SPAG16: variants seen among roughly 807,000 people sequenced by gnomAD.
SPAG16 encodes sperm associated antigen 16.
SPAG16 carries 86 observed loss-of-function variants against 80.4 expected under a neutral mutation model. That is an observed-to-expected ratio of 1.07 (90% CI 0.90 to 1.28). The LOEUF is 1.28. Ranked by LOEUF, SPAG16 falls within the 50% of genes most tolerant of loss-of-function variation. The probability of loss-of-function intolerance (pLI) is 0.00; values close to 1 mark genes in which losing one functional copy is unlikely to be tolerated. For synonymous variants in SPAG16, 294 were observed against 265.9 expected, an observed-to-expected ratio of 1.11 and a Z score of -1.03; for missense variants, 870 against 765.3, an observed-to-expected ratio of 1.14 and a Z score of -1.61.
intron 7 of SPAG16, among the ~76,000 whole-genome samples, chr2:213,352,072 C>T (rs2065361517): frequency 6.6e-6 from 1 of 151,972 alleles, no homozygotes; most frequent in Non-Finnish European, 1.5e-5. Context: ...TCTTTCCTGC[C>T]ACCCTCTGAA....
chr2:213,949,179 T>TTTTTTTTTTTTTTTGTTTTGTTTTG (rs1575623841), intron 12 of SPAG16, among the ~76,000 whole-genome samples: 28 of 36,246 alleles, frequency 7.7e-4, no homozygotes, highest in East Asian at 5.2e-3. Flanking sequence ...GTTTTTTTTT[T>TTTTTTTTTTTTTTTGTTTTGTTTTG]TTTTTTTTTT....
intron 10 of SPAG16, among the ~76,000 whole-genome samples, chr2:213,776,853 A>G (rs1342168106): frequency 8.8e-6 from 1 of 113,600 alleles, no homozygotes; most frequent in African/African-American, 3.4e-5. Flanking sequence ...GGACCCGAGC[A>G]TTATTCTTAA....
intron 6 of SPAG16, among the ~76,000 whole-genome samples, chr2:213,346,329 A>C (rs540179431): frequency 1.6e-4 from 25 of 152,344 alleles, no homozygotes; most frequent in African/African-American, 5.8e-4. Flanking sequence ...ATCTGCAAGC[A>C]GGGACAATTT....
At chr2:214,014,647 A>G (rs1285192770) in intron 13 of SPAG16, among the ~76,000 whole-genome samples, 1 of 152,212 alleles carries the variant, frequency 6.6e-6, no homozygotes, top group Non-Finnish European at 1.5e-5. Flanking sequence ...TGAGGCTGCA[A>G]TGGCATGTTC....
intron 10 of SPAG16, among the ~76,000 whole-genome samples, chr2:213,607,889 C>T (rs957830662): frequency 1.3e-5 from 2 of 152,194 alleles, no homozygotes; most frequent in African/African-American, 4.8e-5. Flanking sequence ...ATTTCCCTTC[C>T]ATTAAGGCTA....
At chr2:213,833,881 T>C (rs886553633) in intron 10 of SPAG16, among the ~76,000 whole-genome samples, 4 of 151,760 alleles carry the variant, frequency 2.6e-5, no homozygotes, top group Non-Finnish European at 5.9e-5. Context: ...CACAGGGTCA[T>C]GGCAGACACT....
chr2:214,073,623 CA>C (rs1312692559), intron 13 of SPAG16, among the ~76,000 whole-genome samples: 2 of 152,262 alleles, frequency 1.3e-5, no homozygotes, highest in East Asian at 3.9e-4. Context: ...CAATTCTTCT[CA>C]AATTGATCTA....
At chr2:213,751,531 G>C (rs1344751279) in intron 10 of SPAG16, among the ~76,000 whole-genome samples, 1 of 152,124 alleles carries the variant, frequency 6.6e-6, no homozygotes, top group Non-Finnish European at 1.5e-5. Context: ...CCTGCTCACT[G>C]GGTGAACTCC....
At chr2:213,822,808 T>C (rs75262777) in intron 10 of SPAG16, among the ~76,000 whole-genome samples, 11 of 152,132 alleles carry the variant, frequency 7.2e-5, no homozygotes, top group Non-Finnish European at 1.2e-4. Context: ...CTCCCACTTA[T>C]GAGTGAGAAT....
At chr2:213,330,093 G>A (rs2064022809) in intron 5 of SPAG16, among the ~76,000 whole-genome samples, 2 of 152,244 alleles carry the variant, frequency 1.3e-5, no homozygotes, top group Admixed American at 1.3e-4. Context: ...TTGCGGCAGG[G>A]GTGGGGCTCT....
At chr2:213,895,862 G>A (rs1406624199) in intron 11 of SPAG16, among the ~76,000 whole-genome samples, 1 of 152,016 alleles carries the variant, frequency 6.6e-6, no homozygotes, top group Non-Finnish European at 1.5e-5. Context: ...CAGGACATTG[G>A]TCTGGACAAA....
chr2:214,148,687 C>T (rs1355108838), intron 14 of SPAG16, among the ~76,000 whole-genome samples: 1 of 151,688 alleles, frequency 6.6e-6, no homozygotes, highest in Non-Finnish European at 1.5e-5. Flanking sequence ...TAACTGTGAG[C>T]ATAAAAGCTG....
chr2:213,984,691 G>A (rs1430158671), intron 12 of SPAG16, among the ~76,000 whole-genome samples: 1 of 152,088 alleles, frequency 6.6e-6, no homozygotes, highest in Non-Finnish European at 1.5e-5. Flanking sequence ...GGGTGCAGCA[G>A]AGAAAAGCCA....
chr2:213,986,371 TTAAC>T (rs569739118), intron 12 of SPAG16, among the ~76,000 whole-genome samples: 51 of 152,078 alleles, frequency 3.4e-4, no homozygotes, highest in Non-Finnish European at 5.9e-4. Context: ...TTAGTTATAA[TTAAC>T]TATTCAATTC....
At chr2:213,877,847 G>A (rs893100602) in intron 11 of SPAG16, among the ~76,000 whole-genome samples, 2 of 152,014 alleles carry the variant, frequency 1.3e-5, no homozygotes. Flanking sequence ...ATATTGTCCA[G>A]GCCTGACTGA....
At chr2:213,785,971 C>T (rs1439975935) in intron 10 of SPAG16, among the ~76,000 whole-genome samples, 1 of 151,570 alleles carries the variant, frequency 6.6e-6, no homozygotes, top group Non-Finnish European at 1.5e-5. Flanking sequence ...CACACCATTG[C>T]ACTCCAGCCT....
intron 5 of SPAG16, among the ~76,000 whole-genome samples, chr2:213,330,213 A>G (rs903706489): frequency 3.3e-5 from 5 of 151,560 alleles, no homozygotes; most frequent in African/African-American, 1.2e-4. Flanking sequence ...GAGGGCCACT[A>G]TCCGTTATAC....
At chr2:213,305,827 G>A (rs996642290) in intron 3 of SPAG16, among the ~76,000 whole-genome samples, 1 of 151,988 alleles carries the variant, frequency 6.6e-6, no homozygotes, top group Non-Finnish European at 1.5e-5. Context: ...GTCTTTGTCT[G>A]GCCTTGATAT....
chr2:214,278,294 T>C (rs989359478), intron 15 of SPAG16, among the ~76,000 whole-genome samples: 1 of 152,192 alleles, frequency 6.6e-6, no homozygotes, highest in East Asian at 1.9e-4. Flanking sequence ...TGCCCCACCC[T>C]GCTTTGGCTC....
Sources: allele counts gnomAD v4.1 joint callset (sites outside exome capture counted in the v4.1 genomes callset), GRCh38; gene constraint gnomAD v4.1.1; transcripts MANE v1.5; gene names NCBI Gene and HGNC (gene_info 2026-07-23, HGNC 2026-07-21).